Variants in DENND4B observed in about 807,000 individuals in gnomAD.
DENND4B encodes DENN domain-containing protein 4B.
DENND4B carries 67 observed loss-of-function variants against 161.0 expected under a neutral mutation model. The ratio of observed to expected loss-of-function variants is 0.42; its 90% CI spans 0.34 to 0.51. DENND4B has a LOEUF of 0.51. Ranked by LOEUF, DENND4B falls within the 20% of genes least tolerant of loss-of-function variation. The probability of loss-of-function intolerance (pLI) is 0.08; values close to 1 mark genes in which losing one functional copy is unlikely to be tolerated. For synonymous variants in DENND4B, 753 were observed against 813.8 expected (o/e 0.93, Z 1.27); for missense variants, 1,481 against 1,968.0 (o/e 0.75, Z 4.68).
intron 1 of DENND4B, chr1:153,945,020 T>C (rs556500145): frequency 8.6e-7 from 1 of 1,162,772 alleles, no homozygotes; most frequent in Admixed American, 2.7e-5. Context: ...ACCTCCAGGA[T>C]CCTTAGGTAG....
rs763977421 is a variant in DENND4B at position 153,944,289 on chromosome 1, G to A, written c.86C>T (p.Thr29Met). Residue 29 changes from threonine (T) to methionine (M), a missense_variant, in exon 2 of 28, where the codon ACG becomes ATG. Thr to Met is a moderately conservative substitution (Grantham distance 81, BLOSUM62 -1). Transcript: ENST00000361217. The surrounding 1 kb of genome is among the most constrained non-coding windows in gnomAD (Gnocchi z 4.8). The stretch of plus-strand genomic sequence containing the variant: ...GGGCCCACTGGGTTCAGGAACCCAC[G>A]TTTCCTCAGGGATGGGTGCTCCGTT... ...AGNGAPIPEE[T>M]WVPEPSGPLR... 64 of 1,603,886 alleles carry A rather than the reference G, an allele frequency of 4.0e-5. No individual in the cohort carries two copies. The highest frequency in any genetic ancestry group is 4.3e-5 in the Non-Finnish European group (50 of 1,174,252).
chr1:153,940,845 A>G lies in DENND4B; in HGVS notation c.1326+59T>C. On this transcript the variant is annotated intron_variant, in intron 9 of 27. Transcript: ENST00000361217. This position sits in a 1 kb window ranked among gnomAD's most constrained non-coding sequence, Gnocchi z 5.6. ...AAAAGGGAAGAGTCCAGGCAGGGATAGGGGCACCAGAAAGAACCATGGTTC... is the reference window on the plus strand; with the variant it reads ...AAAAGGGAAGAGTCCAGGCAGGGATGGGGGCACCAGAAAGAACCATGGTTC... 6.6e-7 allele frequency: 1 copy of G among 1,524,796 alleles called. No homozygotes were observed. Among genetic ancestry groups the G allele is most frequent in the East Asian group, 2.3e-5 (1 of 44,070 alleles). 94.5% of individuals were successfully genotyped at this position (1,524,796 alleles called of 1,614,324 possible). A position where few individuals can be genotyped will look rare whatever the true frequency, so the allele number is the denominator to read the frequency against.
Position 153,940,634 on chromosome 1 carries a change from G to A in DENND4B, c.1327-28C>T, listed in dbSNP as rs2102057072. The A allele has an allele frequency of 6.2e-7, 1 of 1,604,506 alleles. No homozygotes were observed. Among genetic ancestry groups the A allele is most frequent in the East Asian group, 2.2e-5 (1 of 44,492 alleles). Reference sequence around the variant, plus strand: ...GAAGCACCAGGCAGTGAGAACCAGTGAACAGGGGGTTGAGGCAGCAGTGGG... The same window carrying A: ...GAAGCACCAGGCAGTGAGAACCAGTAAACAGGGGGTTGAGGCAGCAGTGGG... On this transcript the variant is annotated intron_variant, in intron 9 of 27. Coordinates refer to ENST00000361217, the MANE Select transcript of DENND4B (RefSeq NM_014856.3). The surrounding 1 kb of genome is among the most constrained non-coding windows in gnomAD (Gnocchi z 5.6).
Position 153,942,167 on chromosome 1 carries a change from G to A in DENND4B, c.810+20C>T. 1 of 1,613,966 alleles carries A rather than the reference G, an allele frequency of 6.2e-7. No individual in the cohort carries two copies. Among genetic ancestry groups the A allele is most frequent in the Non-Finnish European group, 8.5e-7 (1 of 1,179,874 alleles). On this transcript the variant is annotated intron_variant, in intron 5 of 27. Coordinates refer to ENST00000361217, the MANE Select transcript of DENND4B (RefSeq NM_014856.3). This position sits in a 1 kb window ranked among gnomAD's most constrained non-coding sequence, Gnocchi z 6.9. Reference sequence around the variant, plus strand: ...AGGCCCTGCATAGCCTGGACCCCTTGCCACACTCCACACACCCACCTTATC... The same window carrying A: ...AGGCCCTGCATAGCCTGGACCCCTTACCACACTCCACACACCCACCTTATC...
rs373474714 is a variant in DENND4B at position 153,930,842 on chromosome 1, C to T, written c.4130G>A (p.Arg1377Gln). ...LWRVHSQIPQ[R>Q]VVWPGPVPAS... The stretch of plus-strand genomic sequence containing the variant: ...AGGTACAGGGCCTGGCCATACCACC[C>T]GCTGGGGGATCTGGCCTGGATGAAA... Residue 1377 changes from arginine (R) to glutamine (Q), a missense_variant, in exon 26 of 28, where the codon CGG (arginine) becomes CAG (glutamine). This residue lies in a region of DENND4B where 336 missense variants were observed against 503.3 expected (regional missense o/e 0.67). Transcript: ENST00000361217. The surrounding 1 kb of genome is among the most constrained non-coding windows in gnomAD (Gnocchi z 4.7). The T allele has an allele frequency of 5.0e-6, 8 of 1,599,006 alleles. No individual in the cohort carries two copies. The highest frequency in any genetic ancestry group is 2.3e-5 in the East Asian group (1 of 44,394).
chr1:153,946,817 G>A (rs773601631), upstream of DENND4B: 18 of 355,888 alleles, frequency 5.1e-5, no homozygotes, highest in Non-Finnish European at 8.6e-5. The surrounding 1 kb of genome is among the most constrained non-coding windows in gnomAD (Gnocchi z 6.3). Flanking sequence ...TCAGGACACT[G>A]ACCCCAGGCG....
Position 153,933,765 on chromosome 1 carries a change from G to C in DENND4B, c.3048C>G (p.Gly1016=). The C allele has an allele frequency of 1.9e-6, 3 of 1,608,326 alleles. No homozygotes were observed. The highest frequency in any genetic ancestry group is 1.7e-4 in the Middle Eastern group (1 of 6,042). The part of the protein sequence containing the change: ...SLTGEEPLPG[G]SPGGSGSALS... ...GGGCTGAGCCTGAGCCCCCTGGGCT[G>C]CCTCCAGGGAGCGGCTCCTCCCCTG... The change falls in exon 20 of 28, where the codon GGC becomes GGG. Residue 1016 remains glycine, a synonymous_variant. Transcript: ENST00000361217. The surrounding 1 kb of genome is among the most constrained non-coding windows in gnomAD (Gnocchi z 5.7).
chr1:153,931,584 G>GCCTCCTGGGTTCACGCC (rs1553202183), intron 24 of DENND4B, among the ~76,000 whole-genome samples: 1 of 149,040 alleles, frequency 6.7e-6, no homozygotes, highest in Non-Finnish European at 1.5e-5. Context: ...TGCAAGCTTC[G>GCCTCCTGGGTTCACGCC]CCTCCTGGGT....
In DENND4B at chr1:153,932,291, G is replaced by A. The variant is rs1308378793; in HGVS notation, c.3909C>T (p.Asn1303=). ...LPSAHPIIFW[N]LLWYFQRLRL... The stretch of plus-strand genomic sequence containing the variant: ...GTAGCCGTTGGAAATACCACAAAAG[G>A]TTCCAGAAGATGATGGGGTGGGCAG... Residue 1303 remains asparagine, a synonymous_variant, in exon 24 of 28, where the codon AAC becomes AAT. Coordinates refer to ENST00000361217, the MANE Select transcript of DENND4B (RefSeq NM_014856.3). This position sits in a 1 kb window ranked among gnomAD's most constrained non-coding sequence, Gnocchi z 5.8. 1.2e-6 allele frequency: 2 copies of A among 1,614,008 alleles called. No homozygotes were observed. Among genetic ancestry groups the A allele is most frequent in the African/African-American group, 1.3e-5 (1 of 75,046 alleles).
chr1:153,934,076 C>A lies in DENND4B; in HGVS notation c.2941+59G>T. On this transcript the variant is annotated intron_variant, in intron 19 of 27. Coordinates refer to ENST00000361217, the MANE Select transcript of DENND4B (RefSeq NM_014856.3). This position sits in a 1 kb window ranked among gnomAD's most constrained non-coding sequence, Gnocchi z 5.3. ...TCTGTTTCTGGTCTTCCCCACCTCA[C>A]TAGCAAGTGGTTAGGAAAGCTGACT... 6.7e-7 allele frequency: 1 copy of A among 1,488,068 alleles called. No individual in the cohort carries two copies. Among genetic ancestry groups the A allele is most frequent in the Non-Finnish European group, 8.9e-7 (1 of 1,122,694 alleles). 92.2% of individuals were successfully genotyped at this position (1,488,068 alleles called of 1,614,324 possible). A position where few individuals can be genotyped will look rare whatever the true frequency, so the allele number is the denominator to read the frequency against.
Position 153,936,680 on chromosome 1 carries a change from C to G in DENND4B, c.2301G>C (p.Leu767=), listed in dbSNP as rs369987156. 15 of 1,612,662 alleles carry G rather than the reference C, an allele frequency of 9.3e-6. No individual in the cohort carries two copies. The highest frequency in any genetic ancestry group is 1.3e-5 in the Non-Finnish European group (15 of 1,179,308). ...AAVPELWARC[L]LGHCYGLWFL... ...ACCACAGCCCATAGCAGTGCCCCAG[C>G]AGGCACCGGGCCCACAGCTCAGGCA... The change falls in exon 16 of 28, where the codon CTG becomes CTC. Residue 767 remains leucine, a synonymous_variant. Coordinates refer to ENST00000361217, the MANE Select transcript of DENND4B (RefSeq NM_014856.3). The surrounding 1 kb of genome is among the most constrained non-coding windows in gnomAD (Gnocchi z 4.1).
Position 153,937,872 on chromosome 1 carries a change from G to A in DENND4B, c.1966-9C>T. 6.2e-7 allele frequency: 1 copy of A among 1,613,990 alleles called. No individual in the cohort carries two copies. The highest frequency in any genetic ancestry group is 1.3e-5 in the African/African-American group (1 of 75,062). On this transcript the variant is annotated splice_polypyrimidine_tract_variant and intron_variant, in intron 13 of 27. Coordinates refer to ENST00000361217, the MANE Select transcript of DENND4B (RefSeq NM_014856.3). The surrounding 1 kb of genome is among the most constrained non-coding windows in gnomAD (Gnocchi z 4.7). ...TCCTGCTCTGGGTGGACCTGGAGAA[G>A]GATTTTAAGAGAGCAAGTGTTGAGA...
At position 153,946,058 on chromosome 1, in the gene DENND4B, G is replaced by C. The variant is rs568239083; in HGVS notation, c.-24+243C>G. Among the ~76,000 whole-genome samples the C allele has an allele frequency of 1.9e-3, 290 of 152,310 alleles. 2 individuals are homozygous for C. The highest frequency in any genetic ancestry group is 6.6e-3 in the African/African-American group (275 of 41,576). On this transcript the variant is annotated intron_variant, in intron 1 of 27. Coordinates refer to ENST00000361217, the MANE Select transcript of DENND4B (RefSeq NM_014856.3). The surrounding 1 kb of genome is among the most constrained non-coding windows in gnomAD (Gnocchi z 6.3). ...GCGCCGGCCGCCGCGTGACCCAAGC[G>C]GGAGGGAGGGCGGCTCCGACTCCGG...
chr1:153,944,006 A>C lies in DENND4B; in HGVS notation c.317+52T>G. 6.7e-7 allele frequency: 1 copy of C among 1,492,180 alleles called. No individual in the cohort carries two copies. The highest frequency in any genetic ancestry group is 8.9e-7 in the Non-Finnish European group (1 of 1,119,356). The allele number at this position is 1,492,180 out of a possible 1,614,324, so 92.4% of individuals were successfully genotyped here. On this transcript the variant is annotated intron_variant, in intron 2 of 27. Coordinates refer to ENST00000361217, the MANE Select transcript of DENND4B (RefSeq NM_014856.3). The surrounding 1 kb of genome is among the most constrained non-coding windows in gnomAD (Gnocchi z 4.8). ...CCATAGTCCTACCTCTCCCTGTCTC[A>C]CTGGAGTCCCTCCCAGCCTCCCCTG...
chr1:153,935,129 G>C (rs1679259838), intron 17 of DENND4B, 165 bp from the exon 18 acceptor site: 1 of 1,388,824 alleles, frequency 7.2e-7, no homozygotes, highest in East Asian at 2.5e-5. Context: ...AGAAGAGACA[G>C]TAGGCAGCAG....
At chr1:153,941,773 C>CGGGGGGGGGCGG in intron 6 of DENND4B, 96 bp downstream of exon 6, 1 of 1,426,304 alleles carries the variant, frequency 7.0e-7, no homozygotes, top group Non-Finnish European at 9.6e-7. Context: ...ACCCTGTGCC[C>CGGGGGGGGGCGG]AGCCCTCCCC....
chr1:153,939,571 G>A lies in DENND4B; in HGVS notation c.1819+18C>T. On this transcript the variant is annotated intron_variant, in intron 12 of 27. Transcript: ENST00000361217. Reference sequence around the variant, plus strand: ...TCCTCCCATGATACATCTCCAAGCAGAGACAGGCCCTCTATACCCTGCAGG... The same window carrying A: ...TCCTCCCATGATACATCTCCAAGCAAAGACAGGCCCTCTATACCCTGCAGG... 1 of 1,586,108 alleles carries A rather than the reference G, an allele frequency of 6.3e-7. No individual in the cohort carries two copies. Among genetic ancestry groups the A allele is most frequent in the Non-Finnish European group, 8.6e-7 (1 of 1,160,750 alleles).
intron 24 of DENND4B, 50 bp from the exon 25 acceptor site, chr1:153,931,114 A>G (rs1320956012): frequency 6.9e-7 from 1 of 1,459,696 alleles, no homozygotes; most frequent in East Asian, 2.4e-5. Context: ...AATGGGAGGC[A>G]GAGGACAAGA....
rs557071025 is a variant in DENND4B, at chr1:153,934,821, C to CTGCTGCTGT, written c.2703_2711dup (p.Gln908_Gln910dup). ...CCTGCTCCTGCTGCTGCTGCTGCTG[C>CTGCTGCTGT]TGCTGCTGTTGCTGCTGCTGCTGCT... On this transcript the variant is annotated inframe_insertion, in exon 18 of 28. Coordinates refer to ENST00000361217, the MANE Select transcript of DENND4B (RefSeq NM_014856.3). The surrounding 1 kb of genome is among the most constrained non-coding windows in gnomAD (Gnocchi z 5.3). 8 of 1,109,732 alleles carry CTGCTGCTGT rather than the reference C, an allele frequency of 7.2e-6. No homozygotes were observed. Among genetic ancestry groups the CTGCTGCTGT allele is most frequent in the Middle Eastern group, 4.5e-4 (2 of 4,488 alleles). 68.7% of individuals were successfully genotyped at this position (1,109,732 alleles called of 1,614,324 possible).
Sources: gnomAD v4.1 joint callset for allele counts (sites outside exome capture counted in the v4.1 genomes callset) on GRCh38, gnomAD v4.1.1 for gene constraint, gnomAD v4.1.1 regional missense constraint, Gnocchi (gnomAD v3.1) non-coding constraint, MANE v1.5 for transcripts, NCBI Gene and HGNC (gene_info 2026-07-23, HGNC 2026-07-21) for gene names.